The following CYTH1 variants were observed in gnomAD, a reference collection of about 807,000 sequenced individuals.
CYTH1 encodes the protein cytohesin-1.
Under a neutral mutation model 61.8 loss-of-function variants are expected in CYTH1, and 18 were observed. The ratio of observed to expected loss-of-function variants is 0.29; its 90% confidence interval spans 0.20 to 0.43. The LOEUF (loss-of-function observed/expected upper bound fraction) is 0.43, where lower values mean the gene tolerates loss of function less well. Among genes scored for constraint, CYTH1 ranks in the 20% least tolerant of loss-of-function variants. The probability of loss-of-function intolerance (pLI) is 1.00; values close to 1 mark genes in which losing one functional copy is unlikely to be tolerated. For synonymous variants in CYTH1, 174 were observed against 184.3 expected (o/e 0.94, Z 0.45); for missense variants, 336 against 510.5 (o/e 0.66, Z 3.29).
At chr17:78,687,117 A>G (rs1056322818) in intron 11 of CYTH1, among the ~76,000 whole-genome samples, 3 of 152,048 alleles carry the variant, frequency 2.0e-5, no homozygotes, top group East Asian at 1.9e-4. Context: ...TTCTATTGTT[A>G]TTATACTGTA....
chr17:78,689,085 A>T (rs955716118), intron 11 of CYTH1, among the ~76,000 whole-genome samples: 12 of 152,146 alleles, frequency 7.9e-5, no homozygotes, highest in African/African-American at 2.9e-4. Context: ...TGTGGATGGC[A>T]GTGGTAAATA....
chr17:78,773,548 G>C (rs1166854822), intron 1 of CYTH1, among the ~76,000 whole-genome samples: 1 of 151,186 alleles, frequency 6.6e-6, no homozygotes, highest in Non-Finnish European at 1.5e-5. Context: ...AGAATTGCTT[G>C]AACCCGGGAG....
At chr17:78,770,355 GAA>G (rs35531159) in intron 1 of CYTH1, among the ~76,000 whole-genome samples, 1,413 of 128,332 alleles carry the variant, frequency 0.011, 25 homozygotes, top group African/African-American at 0.037. Context: ...GAAAAGAAAA[GAA>G]AAAAAAAAAA....
intron 2 of CYTH1, chr17:78,709,143 G>A (rs1042629950): frequency 1.3e-5 from 2 of 154,014 alleles, no homozygotes; most frequent in African/African-American, 2.4e-5. Flanking sequence ...ATAGGGACCA[G>A]AAATTATGCT....
At chr17:78,765,428 T>C (rs182925786) in intron 1 of CYTH1, among the ~76,000 whole-genome samples, 47 of 152,294 alleles carry the variant, frequency 3.1e-4, no homozygotes, top group Middle Eastern at 3.4e-3. Flanking sequence ...GTCACTGCAG[T>C]CTGGACACAG....
chr17:78,686,945 C>T (rs2144102091), intron 11 of CYTH1, among the ~76,000 whole-genome samples: 1 of 152,058 alleles, frequency 6.6e-6, no homozygotes, highest in African/African-American at 2.4e-5. Context: ...CCACACTTGG[C>T]TGATTTTTTA....
At chr17:78,696,388 TGA>T (rs1361970396) in intron 9 of CYTH1, among the ~76,000 whole-genome samples, 5 of 152,248 alleles carry the variant, frequency 3.3e-5, no homozygotes, top group African/African-American at 7.2e-5. Context: ...ATGTCTTTCT[TGA>T]GATGGCTGTC....
chr17:78,743,130 C>T (rs1043515234), intron 1 of CYTH1, among the ~76,000 whole-genome samples: 3 of 152,060 alleles, frequency 2.0e-5, no homozygotes, highest in Admixed American at 6.5e-5. Context: ...AGAAAGATGT[C>T]TATGTTATAC....
At chr17:78,756,564 T>TG (rs1232217543) in intron 1 of CYTH1, among the ~76,000 whole-genome samples, 1 of 152,188 alleles carries the variant, frequency 6.6e-6, no homozygotes, top group African/African-American at 2.4e-5. Context: ...TGAGGCTATT[T>TG]GAAGTCCTTC....
rs1598876100 is a variant in CYTH1 at position 78,717,697 on chromosome 17, G to A, written c.23-7965C>T. ...CACCGGCCACAGGCAGATGCCCGGG[G>A]ATATGCCATAAAGTTCCACGGAAAA... On this transcript the variant is annotated intron_variant, in intron 1 of 13. Transcript: ENST00000446868. This position sits in a 1 kb window ranked among gnomAD's most constrained non-coding sequence, Gnocchi z 4.4. Among the ~76,000 whole-genome samples the A allele has an allele frequency of 6.6e-6, 1 of 152,118 alleles. No individual in the cohort carries two copies. Among genetic ancestry groups the A allele is most frequent in the Non-Finnish European group, 1.5e-5 (1 of 68,026 alleles).
Position 78,757,895 on chromosome 17 carries a change from GAGCAA to G in CYTH1, c.22+24302_22+24306del, listed in dbSNP as rs777427471. Among the ~76,000 whole-genome samples the G allele has an allele frequency of 7.9e-5, 12 of 151,606 alleles. 4 individuals are homozygous for G. The highest frequency in any genetic ancestry group is 6.6e-5 in the Admixed American group (1 of 15,212). On this transcript the variant is annotated intron_variant, in intron 1 of 13. Transcript: ENST00000446868. Reference sequence around the variant, plus strand: ...CCACTGCACTCCAGCATGGGTGACAGAGCAAGACTCTGCCTCAAAAAAAAAAATTC... The same window carrying G: ...CCACTGCACTCCAGCATGGGTGACAGGACTCTGCCTCAAAAAAAAAAATTC...
rs536737746 is a variant in CYTH1, at chr17:78,714,876, A to G, written c.23-5144T>C. ...TAATTAGGGGGAAAAAAGAAAGAAA[A>G]AAAAAACCTTTAAAAGAACAGAAAA... On this transcript the variant is annotated intron_variant, in intron 1 of 13. Coordinates refer to ENST00000446868, the MANE Select transcript of CYTH1 (RefSeq NM_004762.6). 1.3e-4 allele frequency among the ~76,000 whole-genome samples: 20 copies of G among 152,294 alleles called. No homozygotes were observed. The South Asian group carries it at 3.7e-3, about 28-fold the overall frequency.
Position 78,692,428 on chromosome 17 carries a change from C to A in CYTH1, c.880G>T (p.Glu294Ter). 1 of 1,614,088 alleles carries A rather than the reference C, an allele frequency of 6.2e-7. No individual in the cohort carries two copies. The highest frequency in any genetic ancestry group is 1.1e-5 in the South Asian group (1 of 91,068). Residue 294 changes from glutamate to a stop codon, truncating the protein, a stop_gained, in exon 11 of 14, where the codon GAG (glutamate) becomes TAG (stop). Transcript: ENST00000446868. LOFTEE classifies it high-confidence loss of function. The stretch of plus-strand genomic sequence containing the variant: ...TAGCAGGTGCTCACCGTGGTATACT[C>A]AAAGTAGTAAAGGCAGTTGTCAGTC... ...ILTDNCLYYF[E>*]YTTDKEPRGI...
At chr17:78,760,873 C>T (rs1388184463) in intron 1 of CYTH1, among the ~76,000 whole-genome samples, 3 of 151,862 alleles carry the variant, frequency 2.0e-5, no homozygotes, top group African/African-American at 4.8e-5. Context: ...TAAAGTCAAC[C>T]ATAAGTCAGA....
chr17:78,724,278 C>T (rs973349336), intron 1 of CYTH1, among the ~76,000 whole-genome samples: 2 of 152,178 alleles, frequency 1.3e-5, no homozygotes, highest in Non-Finnish European at 2.9e-5. Flanking sequence ...GCATGAACTC[C>T]AGAGACCCAG....
intron 1 of CYTH1, among the ~76,000 whole-genome samples, chr17:78,767,629 G>A (rs1319534481): frequency 6.6e-6 from 1 of 151,414 alleles, no homozygotes; most frequent in Admixed American, 6.6e-5. Context: ...ACGGATGGTT[G>A]GATAGATGGG....
Position 78,700,227 on chromosome 17 carries a change from C to G in CYTH1, c.550+104G>C, listed in dbSNP as rs755007658. On this transcript the variant is annotated intron_variant, in intron 7 of 13. Transcript: ENST00000446868. This position sits in a 1 kb window ranked among gnomAD's most constrained non-coding sequence, Gnocchi z 5.1. ...TATAACTATCATTGAGTAAACGTTC[C>G]TAGGCATGAATCTCAGCCCTTTTGT... 371 of 972,606 alleles carry G rather than the reference C, an allele frequency of 3.8e-4. No homozygotes were observed. Among genetic ancestry groups the G allele is most frequent in the Middle Eastern group, 2.4e-3 (11 of 4,584 alleles). 60.2% of individuals were successfully genotyped at this position (972,606 alleles called of 1,614,324 possible). A position where few individuals can be genotyped will look rare whatever the true frequency, so the allele number is the denominator to read the frequency against.
intron 3 of CYTH1, 83 bp downstream of exon 3, chr17:78,708,114 A>G (rs939187098): frequency 3.0e-5 from 42 of 1,383,234 alleles, no homozygotes; most frequent in Middle Eastern, 1.8e-4. Context: ...TTTTCCTTCA[A>G]TGTGCCACGT....
chr17:78,761,474 C>G (rs1048259437), intron 1 of CYTH1, among the ~76,000 whole-genome samples: 1 of 152,204 alleles, frequency 6.6e-6, no homozygotes, highest in Non-Finnish European at 1.5e-5. Flanking sequence ...CGCGGTGGCT[C>G]ACGCCTGTAA....
Sources: gnomAD v4.1 joint callset for allele counts (sites outside exome capture counted in the v4.1 genomes callset) on GRCh38, gnomAD v4.1.1 for gene constraint, Gnocchi (gnomAD v3.1) non-coding constraint, MANE v1.5 for transcripts, NCBI Gene and HGNC (gene_info 2026-07-23, HGNC 2026-07-21) for gene names.